The following GPR158 variants were observed in gnomAD, a reference collection of about 807,000 sequenced individuals.
GPR158 encodes metabotropic glycine receptor.
GPR158 carries 30 observed loss-of-function variants against 78.2 expected under a neutral mutation model. The ratio of observed to expected loss-of-function variants is 0.38; its 90% CI spans 0.29 to 0.52. The LOEUF (loss-of-function observed/expected upper bound fraction) is 0.52, where lower values mean the gene tolerates loss of function less well. Among genes scored for constraint, GPR158 ranks in the 20% least tolerant of loss-of-function variants. The probability of loss-of-function intolerance (pLI) is 0.83; values close to 1 mark genes in which losing one functional copy is unlikely to be tolerated. For synonymous variants in GPR158, 581 were observed against 591.1 expected, an observed-to-expected ratio of 0.98 and a Z score of 0.25; for missense variants, 1,463 against 1,523.5, an observed-to-expected ratio of 0.96 and a Z score of 0.66.
chr10:25,543,312 G>C (rs549622610), intron 5 of GPR158, among the ~76,000 whole-genome samples: 1 of 152,050 alleles, frequency 6.6e-6, no homozygotes, highest in East Asian at 1.9e-4. Flanking sequence ...GTAGAGGTAG[G>C]GTTTCACCAT....
intron 2 of GPR158, among the ~76,000 whole-genome samples, chr10:25,337,175 A>G (rs1425413944): frequency 6.6e-5 from 10 of 152,126 alleles, no homozygotes; most frequent in Non-Finnish European, 1.5e-4. Context: ...AATTTAAGAA[A>G]GACATACATA....
chr10:25,278,609 T>C (rs940537341), intron 2 of GPR158, among the ~76,000 whole-genome samples: 16 of 152,106 alleles, frequency 1.1e-4, no homozygotes, highest in African/African-American at 3.1e-4. Context: ...CATACTGAGA[T>C]GTATTGTAAA....
At chr10:25,524,337 A>G (rs1389745032) in intron 5 of GPR158, among the ~76,000 whole-genome samples, 1 of 152,200 alleles carries the variant, frequency 6.6e-6, no homozygotes, top group Non-Finnish European at 1.5e-5. Flanking sequence ...ATCTAAAATA[A>G]TTTCAAAAAG....
chr10:25,186,392 TAG>T (rs1252374839), intron 1 of GPR158, among the ~76,000 whole-genome samples: 2 of 151,470 alleles, frequency 1.3e-5, no homozygotes, highest in African/African-American at 4.9e-5. Context: ...CTGAAGGAGA[TAG>T]AGACACAAAA....
At chr10:25,473,219 G>GTT (rs141833470) in intron 5 of GPR158, among the ~76,000 whole-genome samples, 3 of 151,256 alleles carry the variant, frequency 2.0e-5, no homozygotes, top group Admixed American at 1.3e-4. Flanking sequence ...TAATCATGTG[G>GTT]TTTTTGTCTT....
At chr10:25,370,796 G>A (rs997961292) in intron 2 of GPR158, among the ~76,000 whole-genome samples, 4 of 150,424 alleles carry the variant, frequency 2.7e-5, no homozygotes, top group Non-Finnish European at 4.5e-5. Flanking sequence ...TTATTGTGTG[G>A]GAGTCTAAGT....
chr10:25,395,839 T>G, intron 2 of GPR158, 72 bp from the exon 3 acceptor site: 1 of 625,644 alleles, frequency 1.6e-6, no homozygotes. Context: ...TTTGCAATGA[T>G]GGATATCTGC....
intron 5 of GPR158, among the ~76,000 whole-genome samples, chr10:25,492,375 A>G (rs1487869655): frequency 6.6e-6 from 1 of 151,496 alleles, no homozygotes; most frequent in Non-Finnish European, 1.5e-5. Flanking sequence ...TTCCCCCACC[A>G]TCTCTAGCTT....
intron 6 of GPR158, among the ~76,000 whole-genome samples, chr10:25,563,303 A>T (rs999789483): frequency 6.7e-6 from 1 of 150,268 alleles, no homozygotes; most frequent in African/African-American, 2.5e-5. Context: ...ATAGAATATC[A>T]TTTGCTACCT....
intron 2 of GPR158, among the ~76,000 whole-genome samples, chr10:25,282,582 C>G (rs927714370): frequency 2.0e-5 from 3 of 152,140 alleles, no homozygotes; most frequent in African/African-American, 7.2e-5. Context: ...ATTCTGTATC[C>G]TCACTAGCAG....
At chr10:25,380,697 A>G (rs1834142462) in intron 2 of GPR158, among the ~76,000 whole-genome samples, 1 of 152,162 alleles carries the variant, frequency 6.6e-6, no homozygotes, top group African/African-American at 2.4e-5. Flanking sequence ...ATCTGTATGG[A>G]ATTAGGAGTA....
At chr10:25,464,364 T>C (rs1469041352) in intron 4 of GPR158, among the ~76,000 whole-genome samples, 1 of 152,130 alleles carries the variant, frequency 6.6e-6, no homozygotes. Context: ...CTCGAGGCAT[T>C]CATCTCCTCT....
At chr10:25,431,507 G>A (rs896659598) in intron 4 of GPR158, among the ~76,000 whole-genome samples, 3 of 143,090 alleles carry the variant, frequency 2.1e-5, no homozygotes, top group Admixed American at 1.4e-4. Context: ...TCCCATTACT[G>A]GGTATATACC....
chr10:25,369,836 C>A (rs1384406897), intron 2 of GPR158, among the ~76,000 whole-genome samples: 1 of 152,108 alleles, frequency 6.6e-6, no homozygotes, highest in Non-Finnish European at 1.5e-5. Flanking sequence ...ATTATTGCTA[C>A]AATTTCAGCT....
intron 1 of GPR158, among the ~76,000 whole-genome samples, chr10:25,208,430 T>G (rs1231562798): frequency 6.6e-6 from 1 of 152,232 alleles, no homozygotes; most frequent in Non-Finnish European, 1.5e-5. Context: ...TTCAAGAGGC[T>G]TTTGTAAAAG....
intron 10 of GPR158, 121 bp downstream of exon 10, chr10:25,596,910 CAG>C (rs1377722763): frequency 2.6e-6 from 2 of 778,600 alleles, no homozygotes; most frequent in East Asian, 5.0e-5. Context: ...ATGTATGTCT[CAG>C]AAAGAGGGAA....
intron 2 of GPR158, among the ~76,000 whole-genome samples, chr10:25,334,706 A>C (rs1046666575): frequency 6.6e-6 from 1 of 152,026 alleles, no homozygotes; most frequent in African/African-American, 2.4e-5. Flanking sequence ...TTCTCCTTGT[A>C]AGATGGTATC....
At chr10:25,585,515 G>A (rs919750414) in intron 7 of GPR158, among the ~76,000 whole-genome samples, 2 of 152,150 alleles carry the variant, frequency 1.3e-5, no homozygotes, top group Non-Finnish European at 1.5e-5. Flanking sequence ...AGATACTAGA[G>A]GGAAGAAAAT....
chr10:25,343,892 A>G (rs930389665), intron 2 of GPR158, among the ~76,000 whole-genome samples: 1 of 152,028 alleles, frequency 6.6e-6, no homozygotes, highest in African/African-American at 2.4e-5. Context: ...AATATTTCAC[A>G]AAAGAGGAAG....
Sources: allele counts gnomAD v4.1 joint callset (sites outside exome capture counted in the v4.1 genomes callset), GRCh38; gene constraint gnomAD v4.1.1; transcripts MANE v1.5; gene names NCBI Gene and HGNC (gene_info 2026-07-23, HGNC 2026-07-21).